Variants in IL1RAPL1 observed in about 807,000 individuals in gnomAD.
IL1RAPL1 encodes the protein interleukin 1 receptor accessory protein like 1.
In IL1RAPL1, 3 loss-of-function variants were observed where a neutral mutation model predicts 48.4. The ratio of observed to expected loss-of-function variants is 0.06; its 90% CI spans 0.03 to 0.16. IL1RAPL1 has a LOEUF of 0.16. Among genes scored for constraint, IL1RAPL1 ranks in the 10% least tolerant of loss-of-function variants. The pLI, the probability that IL1RAPL1 is intolerant of heterozygous loss-of-function variation, is 1.00. For missense variants in IL1RAPL1, 349 were observed against 530.6 expected (o/e 0.66, Z 3.36); for synonymous variants, 185 against 187.7 (o/e 0.99, Z 0.12).
intron 3 of IL1RAPL1, among the ~76,000 whole-genome samples, chrX:29,325,421 A>C (rs751006483): frequency 1.8e-5 from 2 of 111,374 alleles, no homozygotes; most frequent in South Asian, 7.5e-4. Context: ...AAGAATTACC[A>C]CTCTCCTTTT....
chrX:29,371,126 CT>C (rs1168566971), intron 3 of IL1RAPL1, among the ~76,000 whole-genome samples: 635 of 56,633 alleles, frequency 0.011, 5 homozygotes, highest in African/African-American at 0.042. Context: ...TCTAAATGTA[CT>C]TTTTTTTTTT....
At chrX:29,520,165 T>C (rs1468512906) in intron 5 of IL1RAPL1, among the ~76,000 whole-genome samples, 1 of 112,284 alleles carries the variant, frequency 8.9e-6, no homozygotes, top group Non-Finnish European at 1.9e-5. Flanking sequence ...GTAGTAGTTG[T>C]TACTATTATT....
At chrX:29,053,609 T>G (rs12393880) in intron 2 of IL1RAPL1, among the ~76,000 whole-genome samples, 23,496 of 111,122 alleles carry the variant, frequency 0.21, 2,173 homozygotes, top group African/African-American at 0.35. Context: ...GTGAGATCAG[T>G]TGCTTTTGGA....
intron 1 of IL1RAPL1, among the ~76,000 whole-genome samples, chrX:28,715,307 A>G (rs1935490125): frequency 8.9e-6 from 1 of 112,281 alleles, no homozygotes; most frequent in East Asian, 2.8e-4. Context: ...TTGGGTAAAT[A>G]ATAAAATTAA....
chrX:29,736,046 C>T (rs1928033380), intron 6 of IL1RAPL1, among the ~76,000 whole-genome samples: 1 of 112,068 alleles, frequency 8.9e-6, no homozygotes, highest in African/African-American at 3.2e-5. Flanking sequence ...CCATTATGAT[C>T]AGCTAGACCA....
chrX:29,103,203 A>G (rs991941598), intron 2 of IL1RAPL1, among the ~76,000 whole-genome samples: 2 of 112,117 alleles, frequency 1.8e-5, no homozygotes, highest in African/African-American at 6.5e-5. Flanking sequence ...TGGAAGAAGC[A>G]CATTACCGAG....
chrX:28,791,218 T>A (rs1322572823), intron 2 of IL1RAPL1, among the ~76,000 whole-genome samples: 2 of 111,221 alleles, frequency 1.8e-5, no homozygotes, highest in African/African-American at 6.5e-5. Context: ...TAACCTCTAA[T>A]TTGGGGGCAA....
chrX:29,547,165 T>C (rs893867955), intron 5 of IL1RAPL1, among the ~76,000 whole-genome samples: 2 of 112,175 alleles, frequency 1.8e-5, no homozygotes, highest in South Asian at 7.4e-4. Context: ...TTCATTGCTA[T>C]AAAATCACCT....
intron 2 of IL1RAPL1, among the ~76,000 whole-genome samples, chrX:28,793,744 G>A (rs1223784239): frequency 9.0e-6 from 1 of 111,245 alleles, no homozygotes; most frequent in Non-Finnish European, 1.9e-5. Flanking sequence ...GTTGTAATTT[G>A]CCTGAAAAGT....
intron 5 of IL1RAPL1, among the ~76,000 whole-genome samples, chrX:29,470,545 T>G (rs952567000): frequency 8.9e-6 from 1 of 111,734 alleles, no homozygotes; most frequent in East Asian, 2.8e-4. Flanking sequence ...TCTTTTTTTC[T>G]TATACAATTT....
At chrX:29,837,258 C>CAAAAAAAAAA (rs34032700) in intron 6 of IL1RAPL1, among the ~76,000 whole-genome samples, 4 of 30,033 alleles carry the variant, frequency 1.3e-4, no homozygotes, top group African/African-American at 7.7e-4. Flanking sequence ...GACTGCATCT[C>CAAAAAAAAAA]AAAAAAAAAA....
At chrX:28,889,132 T>C (rs898014087) in intron 2 of IL1RAPL1, among the ~76,000 whole-genome samples, 6 of 111,635 alleles carry the variant, frequency 5.4e-5, no homozygotes, top group Admixed American at 4.8e-4. Flanking sequence ...AGTAAGATGA[T>C]ATAAAATACT....
At chrX:28,960,407 C>T (rs997193356) in intron 2 of IL1RAPL1, among the ~76,000 whole-genome samples, 6 of 111,665 alleles carry the variant, frequency 5.4e-5, no homozygotes, top group African/African-American at 2.0e-4. Flanking sequence ...ATAATAGTTA[C>T]GGCTTGAGTC....
chrX:29,203,722 AATATATAT>A (rs56950481), intron 2 of IL1RAPL1, among the ~76,000 whole-genome samples: 3,377 of 78,321 alleles, frequency 0.043, 262 homozygotes, highest in African/African-American at 0.16. Flanking sequence ...TCCGTCTCAA[AATATATAT>A]ATATATATAT....
At chrX:29,055,715 G>A (rs781022775) in intron 2 of IL1RAPL1, among the ~76,000 whole-genome samples, 21 of 111,271 alleles carry the variant, frequency 1.9e-4, no homozygotes, top group African/African-American at 6.8e-4. Context: ...TTGTTCACAT[G>A]GTTAAAATTA....
intron 6 of IL1RAPL1, among the ~76,000 whole-genome samples, chrX:29,673,984 G>C (rs1022174537): frequency 2.7e-5 from 3 of 112,430 alleles, no homozygotes; most frequent in Non-Finnish European, 5.6e-5. Flanking sequence ...TGAGGTCATT[G>C]TATGACCTAA....
chrX:29,731,419 G>A (rs1278490063), intron 6 of IL1RAPL1, among the ~76,000 whole-genome samples: 3 of 111,940 alleles, frequency 2.7e-5, no homozygotes, highest in African/African-American at 9.7e-5. Flanking sequence ...CCCATAGTTT[G>A]GGCATGCGTC....
chrX:28,728,099 A>G (rs1003141070), intron 1 of IL1RAPL1, among the ~76,000 whole-genome samples: 1 of 111,263 alleles, frequency 9.0e-6, no homozygotes. Flanking sequence ...AAAAAATAAA[A>G]ATAATTTTCA....
At chrX:28,800,925 A>G (rs1029255468) in intron 2 of IL1RAPL1, among the ~76,000 whole-genome samples, 1 of 107,897 alleles carries the variant, frequency 9.3e-6, no homozygotes, top group Non-Finnish European at 1.9e-5. Flanking sequence ...CCTGTCGCCC[A>G]GGCTGGAGTG....
Sources: gnomAD v4.1 joint callset for allele counts (sites outside exome capture counted in the v4.1 genomes callset) on GRCh38, gnomAD v4.1.1 for gene constraint, MANE v1.5 for transcripts, NCBI Gene and HGNC (gene_info 2026-07-23, HGNC 2026-07-21) for gene names.